The following HMCN1 variants were observed in gnomAD, a reference collection of about 807,000 sequenced individuals.
HMCN1 encodes the protein hemicentin-1.
In HMCN1, 321 loss-of-function variants were observed where a neutral mutation model predicts 625.9. That is an observed-to-expected ratio of 0.51 (90% CI 0.47 to 0.56). The LOEUF (loss-of-function observed/expected upper bound fraction) is 0.56, where lower values mean the gene tolerates loss of function less well. HMCN1 is among the 20% of genes least tolerant of loss of function. The pLI, the probability that HMCN1 is intolerant of heterozygous loss-of-function variation, is 0.00. For synonymous variants in HMCN1, 2,425 were observed against 2,417.6 expected, an observed-to-expected ratio of 1.00 and a Z score of -0.09; for missense variants, 6,588 against 6,887.3, an observed-to-expected ratio of 0.96 and a Z score of 1.54.
intron 36 of HMCN1, among the ~76,000 whole-genome samples, chr1:186,030,014 G>A (rs1158883764): frequency 2.0e-5 from 3 of 151,962 alleles, no homozygotes; most frequent in Non-Finnish European, 4.4e-5. Flanking sequence ...TCACATATTT[G>A]TGAAGTTCCC....
chr1:186,038,449 C>G lies in HMCN1; in HGVS notation c.5852-380C>G, dbSNP rs573162438. ...GTAGATTATTCATATGAATCAGTAA[C>G]AACATAAATCTTTGAGGCCAACAGT... On this transcript the variant is annotated intron_variant, in intron 37 of 106. Coordinates refer to ENST00000271588, the MANE Select transcript of HMCN1 (RefSeq NM_031935.3). 1.8e-4 allele frequency among the ~76,000 whole-genome samples: 28 copies of G among 152,150 alleles called. No homozygotes were observed. In the South Asian group the frequency reaches 5.8e-3, roughly 32 times the overall value.
At chr1:185,923,749 G>A (rs1667116008) in intron 8 of HMCN1, 96 bp downstream of exon 8, 7 of 1,024,208 alleles carry the variant, frequency 6.8e-6, no homozygotes, top group East Asian at 4.8e-5. Context: ...AAAAAATAAT[G>A]TCTTCATATT....
intron 6 of HMCN1, among the ~76,000 whole-genome samples, chr1:185,922,173 T>C (rs1667035370): frequency 6.6e-6 from 1 of 152,128 alleles, no homozygotes; most frequent in Non-Finnish European, 1.5e-5. Flanking sequence ...TGAATTGTTT[T>C]TTAGAGCTGT....
intron 97 of HMCN1, among the ~76,000 whole-genome samples, chr1:186,163,332 C>T (rs1046783721): frequency 7.9e-5 from 12 of 152,326 alleles, no homozygotes; most frequent in South Asian, 4.1e-4. Flanking sequence ...TGACTAGGAA[C>T]GGGAACTCCC....
intron 11 of HMCN1, among the ~76,000 whole-genome samples, chr1:185,939,760 AT>A (rs1667994076): frequency 6.6e-6 from 1 of 152,092 alleles, no homozygotes; most frequent in African/African-American, 2.4e-5. Context: ...TCGCTTTCAT[AT>A]TTAAAATAAT....
At position 186,093,129 on chromosome 1, in the gene HMCN1, C is replaced by T. The variant is rs142970299; in HGVS notation, c.9888-5C>T. Reference sequence around the variant, plus strand: ...TCAGCCCCTCTGTTATGATCTTTTCCGTAGAGTGAGTGCAAATGGCAGCAC... The same window carrying T: ...TCAGCCCCTCTGTTATGATCTTTTCTGTAGAGTGAGTGCAAATGGCAGCAC... On this transcript the variant is annotated splice_region_variant and splice_polypyrimidine_tract_variant and intron_variant, in intron 64 of 106. Transcript: ENST00000271588. 180 of 1,613,036 alleles carry T rather than the reference C, an allele frequency of 1.1e-4. No individual in the cohort carries two copies. The East Asian group carries it at 2.7e-3, about 24-fold the overall frequency.
intron 19 of HMCN1, among the ~76,000 whole-genome samples, chr1:185,985,999 T>G (rs1651973793): frequency 6.6e-6 from 1 of 152,244 alleles, no homozygotes; most frequent in Non-Finnish European, 1.5e-5. Context: ...GCCACTTTTC[T>G]TTATTGCTGT....
At chr1:185,800,056 A>G (rs1257364761) in intron 1 of HMCN1, among the ~76,000 whole-genome samples, 2 of 152,210 alleles carry the variant, frequency 1.3e-5, no homozygotes, top group Non-Finnish European at 2.9e-5. Flanking sequence ...AGTGTGCAGC[A>G]GAGGTGCCTC....
chr1:186,007,218 C>T lies in HMCN1; in HGVS notation c.4566C>T (p.Arg1522=). The T allele has an allele frequency of 6.2e-7, 1 of 1,613,584 alleles. No individual in the cohort carries two copies. Among genetic ancestry groups the T allele is most frequent in the East Asian group, 2.2e-5 (1 of 44,816 alleles). ...ATGCACGGAGAAATGACAAGGGGCG[C>T]TACCAATGTACTGTGTCTAATGCAG... The part of the protein sequence containing the change: ...LKNARRNDKG[R]YQCTVSNAAG... The change falls in exon 30 of 107, where the codon CGC becomes CGT. Residue 1522 remains arginine, a synonymous_variant. Coordinates refer to ENST00000271588, the MANE Select transcript of HMCN1 (RefSeq NM_031935.3).
intron 1 of HMCN1, among the ~76,000 whole-genome samples, chr1:185,780,910 T>C (rs917658062): frequency 6.6e-6 from 1 of 152,200 alleles, no homozygotes; most frequent in African/African-American, 2.4e-5. Flanking sequence ...TTGGAATAGT[T>C]TCAGAAGGAA....
chr1:185,854,806 T>C lies in HMCN1; in HGVS notation c.339+8710T>C, dbSNP rs546819223. ...GTCTTTGTAAATCATAATGATTTTATTAGTAAAAATGCATTTTTCCATTTT... is the reference window on the plus strand; with the variant it reads ...GTCTTTGTAAATCATAATGATTTTACTAGTAAAAATGCATTTTTCCATTTT... On this transcript the variant is annotated intron_variant, in intron 2 of 106. Transcript: ENST00000271588. Among the ~76,000 whole-genome samples, 5 of 152,320 alleles carry C rather than the reference T, an allele frequency of 3.3e-5. No homozygotes were observed. The East Asian group carries it at 9.6e-4, about 29-fold the overall frequency.
chr1:186,118,039 A>G (rs1571376604), intron 77 of HMCN1, among the ~76,000 whole-genome samples: 1 of 152,200 alleles, frequency 6.6e-6, no homozygotes, highest in East Asian at 1.9e-4. Context: ...CTGAGACTGT[A>G]TAACTAAAAC....
At chr1:185,843,399 C>T (rs542453362) in intron 1 of HMCN1, among the ~76,000 whole-genome samples, 9 of 152,214 alleles carry the variant, frequency 5.9e-5, no homozygotes, top group African/African-American at 2.2e-4. Flanking sequence ...TTGTAGTGAG[C>T]GCCTGGATTA....
At chr1:185,989,763 C>G (rs550491184) in intron 21 of HMCN1, 116 bp downstream of exon 21, 92 of 897,480 alleles carry the variant, frequency 1.0e-4, no homozygotes, top group Admixed American at 5.5e-4. Flanking sequence ...ACTGCTCCCC[C>G]AGATTTCTAT....
chr1:185,889,946 CT>C (rs1175686623), intron 4 of HMCN1, among the ~76,000 whole-genome samples: 2 of 148,870 alleles, frequency 1.3e-5, no homozygotes, highest in Admixed American at 1.3e-4. Flanking sequence ...GTCTTTGACA[CT>C]TTTTGGTTGG....
chr1:186,053,773 CA>C, intron 43 of HMCN1, 51 bp from the exon 44 acceptor site: 1 of 1,583,012 alleles, frequency 6.3e-7, no homozygotes. Context: ...GCAATGTATA[CA>C]AAATGCTTTA....
chr1:186,159,602 C>T (rs1651293072), intron 97 of HMCN1, among the ~76,000 whole-genome samples: 2 of 152,180 alleles, frequency 1.3e-5, no homozygotes, highest in African/African-American at 4.8e-5. Flanking sequence ...CCATTAATAC[C>T]TAACATATTG....
intron 1 of HMCN1, among the ~76,000 whole-genome samples, chr1:185,750,257 A>G (rs1654709541): frequency 6.6e-6 from 1 of 152,146 alleles, no homozygotes; most frequent in African/African-American, 2.4e-5. Flanking sequence ...TAAAGAAAGA[A>G]TGAATTTTTT....
intron 30 of HMCN1, among the ~76,000 whole-genome samples, chr1:186,010,715 T>C (rs1423207235): frequency 3.3e-5 from 5 of 152,206 alleles, no homozygotes; most frequent in Admixed American, 6.5e-5. Context: ...GATTTCAAAA[T>C]AGTAGCTTGA....
Sources: gnomAD v4.1 joint callset for allele counts (sites outside exome capture counted in the v4.1 genomes callset) on GRCh38, gnomAD v4.1.1 for gene constraint, MANE v1.5 for transcripts, NCBI Gene and HGNC (gene_info 2026-07-23, HGNC 2026-07-21) for gene names.